The following NARF variants were observed in gnomAD, a reference collection of about 807,000 sequenced individuals.
The protein encoded by NARF is iron-only hydrogenase-like protein 2.
NARF carries 41 observed loss-of-function variants against 48.0 expected under a neutral mutation model. The ratio of observed to expected loss-of-function variants is 0.85; its 90% confidence interval spans 0.66 to 1.11. NARF has a LOEUF of 1.11. Ranked by LOEUF, NARF falls within the 50% of genes least tolerant of loss-of-function variation. NARF has a pLI of 0.00. For synonymous variants in NARF, 215 were observed against 225.5 expected, an observed-to-expected ratio of 0.95 and a Z score of 0.42; for missense variants, 613 against 590.2, an observed-to-expected ratio of 1.04 and a Z score of -0.40.
chr17:82,460,246 CT>C, intron 2 of NARF, 174 bp downstream of exon 2: 1 of 507,088 alleles, frequency 2.0e-6, no homozygotes, highest in Non-Finnish European at 3.5e-6. Context: ...GGACGGATCA[CT>C]TGAGGTCAGG....
chr17:82,482,022 G>A (rs1288476766), intron 7 of NARF: 1 of 292,740 alleles, frequency 3.4e-6, no homozygotes, highest in East Asian at 1.3e-4. Context: ...TGTGTGTGTT[G>A]TGGATGGAAG....
intron 10 of NARF, among the ~76,000 whole-genome samples, chr17:82,487,222 G>C (rs561109317): frequency 6.7e-6 from 1 of 150,276 alleles, no homozygotes; most frequent in Non-Finnish European, 1.5e-5. Flanking sequence ...GGTGGCTCAC[G>C]CCTGTAATCC....
At chr17:82,469,565 C>T (rs981210524) in intron 4 of NARF, among the ~76,000 whole-genome samples, 1 of 151,908 alleles carries the variant, frequency 6.6e-6, no homozygotes, top group African/African-American at 2.4e-5. Flanking sequence ...GGAAAATGAG[C>T]GAGTTGCCAA....
intron 7 of NARF, 72 bp from the exon 8 acceptor site, chr17:82,483,644 A>G (rs2044024539): frequency 6.9e-7 from 1 of 1,455,478 alleles, no homozygotes; most frequent in Admixed American, 1.7e-5. Flanking sequence ...CTAATGTCAA[A>G]TCTCCTGCAG....
At chr17:82,461,367 T>G (rs1483290574) in intron 2 of NARF, among the ~76,000 whole-genome samples, 1 of 152,150 alleles carries the variant, frequency 6.6e-6, no homozygotes, top group East Asian at 1.9e-4. Flanking sequence ...ATCCCAACAC[T>G]TTGGGAGGCC....
chr17:82,481,061 A>T, intron 6 of NARF, 21 bp from the exon 7 acceptor site: 1 of 1,613,548 alleles, frequency 6.2e-7, no homozygotes, highest in Non-Finnish European at 8.5e-7. Flanking sequence ...AGCCCTAAAT[A>T]TGGGTGCCCC....
At chr17:82,484,069 C>T (rs564888304) in intron 8 of NARF, 69 of 367,852 alleles carry the variant, frequency 1.9e-4, no homozygotes, top group Non-Finnish European at 2.5e-4. Flanking sequence ...TCCTCGCTGG[C>T]GCAGGGCTGT....
chr17:82,469,208 C>G (rs963004544), intron 4 of NARF, among the ~76,000 whole-genome samples: 1 of 152,184 alleles, frequency 6.6e-6, no homozygotes, highest in African/African-American at 2.4e-5. Flanking sequence ...CCACACTGGC[C>G]CAGCAACCTC....
chr17:82,467,095 T>C (rs1322264332), intron 3 of NARF, among the ~76,000 whole-genome samples: 1 of 151,430 alleles, frequency 6.6e-6, no homozygotes, highest in African/African-American at 2.4e-5. Context: ...CGCCCAGGCT[T>C]GAGTGCAGTG....
chr17:82,467,992 T>C (rs180917717), intron 3 of NARF, among the ~76,000 whole-genome samples: 3 of 152,338 alleles, frequency 2.0e-5, no homozygotes, highest in Admixed American at 1.3e-4. Flanking sequence ...ACAAAGTCTT[T>C]TAGATCTGTA....
chr17:82,471,790 T>TAAAAAAAAAA (rs2043713645), intron 4 of NARF, among the ~76,000 whole-genome samples: 1 of 47,944 alleles, frequency 2.1e-5, no homozygotes, highest in African/African-American at 1.2e-4. Flanking sequence ...AGACTCCGTC[T>TAAAAAAAAAA]CAAAAAAAAA....
At position 82,488,014 on chromosome 17, in the gene NARF, C is replaced by T. The variant is rs543604095; in HGVS notation, c.1228C>T (p.Arg410Trp). ...MEGIYADIPVRRPESSAHVQE... is the reference protein window; with the variant it reads ...MEGIYADIPVWRPESSAHVQE... Reference sequence around the variant, plus strand: ...AGGCATTTACGCTGACATCCCTGTGCGGCGTCCGGAGTCCAGTGCACACGT... The same window carrying T: ...AGGCATTTACGCTGACATCCCTGTGTGGCGTCCGGAGTCCAGTGCACACGT... Residue 410 changes from arginine (R) to tryptophan (W), a missense_variant, in exon 11 of 11, where the codon CGG (arginine) becomes TGG (tryptophan). By Grantham distance (101) the Arg-to-Trp change is moderately radical. Coordinates refer to ENST00000309794, the MANE Select transcript of NARF (RefSeq NM_012336.4). 2.9e-5 allele frequency: 47 copies of T among 1,614,182 alleles called. No individual in the cohort carries two copies. In the Middle Eastern group the frequency reaches 4.9e-4, roughly 17 times the overall value.
intron 4 of NARF, among the ~76,000 whole-genome samples, chr17:82,469,216 C>T (rs1278364245): frequency 2.0e-5 from 3 of 152,238 alleles, no homozygotes; most frequent in African/African-American, 4.8e-5. Context: ...GCCCAGCAAC[C>T]TCCAAGTCAC....
chr17:82,467,227 A>C (rs1390507829), intron 3 of NARF, among the ~76,000 whole-genome samples: 1 of 147,854 alleles, frequency 6.8e-6, no homozygotes, highest in Non-Finnish European at 1.5e-5. Flanking sequence ...TTGTATTTTT[A>C]GTAGAGATGG....
chr17:82,480,604 C>G, intron 6 of NARF: 1 of 410,774 alleles, frequency 2.4e-6, no homozygotes, highest in Non-Finnish European at 4.3e-6. Flanking sequence ...CTGTGGGGCC[C>G]GGCCTCAGAC....
chr17:82,489,829 AT>A lies in NARF; in HGVS notation c.*1688del, dbSNP rs72188578. The A allele has an allele frequency of 4.0e-3, 583 of 145,328 alleles. No individual in the cohort carries two copies. Among genetic ancestry groups the A allele is most frequent in the Middle Eastern group, 7.2e-3 (2 of 276 alleles). 9.0% of individuals were successfully genotyped at this position (145,328 alleles called of 1,614,324 possible). ...TACATGGGAGACTCTGTCTCTACAA[AT>A]TTTTTTTTTTTTTTTGAGACAGAGT... is the stretch of plus-strand genomic sequence containing the variant. On this transcript the variant is annotated 3_prime_UTR_variant, in exon 11 of 11. Coordinates refer to ENST00000309794, the MANE Select transcript of NARF (RefSeq NM_012336.4).
intron 5 of NARF, 29 bp from the exon 6 acceptor site, chr17:82,478,771 A>T (rs2043892548): frequency 6.3e-7 from 1 of 1,596,364 alleles, no homozygotes; most frequent in Non-Finnish European, 8.6e-7. Flanking sequence ...AGCAGTAAGG[A>T]GCTGACCGTG....
Position 82,478,890 on chromosome 17 carries a change from T to G in NARF, c.611T>G (p.Leu204Trp), listed in dbSNP as rs1567941432. Residue 204 changes from leucine (L) to tryptophan (W), a missense_variant, in exon 6 of 11, where the codon TTG becomes TGG. Leu to Trp is a moderately conservative substitution (Grantham distance 61). Transcript: ENST00000309794. ...TCCCCCCAGCAGGTCATGGGCTCTT[T>G]GGTGAAGGATTATTTCGCCAGACAG... ...AKSPQQVMGSLVKDYFARQQN... is the reference protein window; with the variant it reads ...AKSPQQVMGSWVKDYFARQQN... 1 of 1,613,962 alleles carries G rather than the reference T, an allele frequency of 6.2e-7. No individual in the cohort carries two copies. Among genetic ancestry groups the G allele is most frequent in the Admixed American group, 1.7e-5 (1 of 60,000 alleles).
rs74561368 is a variant in NARF at position 82,468,003 on chromosome 17, G to A, written c.253-761G>A. Among the ~76,000 whole-genome samples, 1,024 of 152,192 alleles carry A rather than the reference G, an allele frequency of 6.7e-3. 14 individuals carry two copies. The highest frequency in any genetic ancestry group is 0.023 in the African/African-American group (956 of 41,528). The stretch of plus-strand genomic sequence containing the variant: ...ATTGACAAAGTCTTTTAGATCTGTA[G>A]TCTTGTCTCTTTTAAGACAGAGTAT... On this transcript the variant is annotated intron_variant, in intron 3 of 10. Coordinates refer to ENST00000309794, the MANE Select transcript of NARF (RefSeq NM_012336.4).
Sources: allele counts gnomAD v4.1 joint callset (sites outside exome capture counted in the v4.1 genomes callset), GRCh38; gene constraint gnomAD v4.1.1; transcripts MANE v1.5; gene names NCBI Gene and HGNC (gene_info 2026-07-23, HGNC 2026-07-21).